Variants in HYCC1 observed in about 807,000 individuals in gnomAD.
The protein encoded by HYCC1 is hyccin.
the HYCC1 span, among the ~76,000 whole-genome samples, chr7:22,971,480 G>A: frequency 6.6e-6 from 1 of 151,000 alleles, no homozygotes; most frequent in Non-Finnish European, 1.5e-5. Context: ...TTTGAGACCC[G>A]CCTGGGCAAC....
the HYCC1 span, among the ~76,000 whole-genome samples, chr7:22,933,145 T>C: frequency 6.6e-6 from 1 of 152,222 alleles, no homozygotes; most frequent in African/African-American, 2.4e-5. Flanking sequence ...AATTCTCTTG[T>C]ATTAAGTCAT....
At chr7:22,932,484 G>T in the HYCC1 span, among the ~76,000 whole-genome samples, 1 of 151,996 alleles carries the variant, frequency 6.6e-6, no homozygotes, top group African/African-American at 2.4e-5. Context: ...TTTTTGATTG[G>T]AAATATCTCT....
At chr7:22,917,150 C>T in the HYCC1 span, among the ~76,000 whole-genome samples, 65 of 152,282 alleles carry the variant, frequency 4.3e-4, no homozygotes, top group Non-Finnish European at 7.1e-4. Flanking sequence ...TCCCTCACGG[C>T]AGTTTTTCTC....
At chr7:22,940,370 G>A in the HYCC1 span, 2 of 148,664 alleles carry the variant, frequency 1.3e-5, no homozygotes, top group Non-Finnish European at 3.0e-5. Flanking sequence ...TCCTGCCTCA[G>A]CCTCCTGAGT....
At chr7:23,013,505 G>A in the HYCC1 span, among the ~76,000 whole-genome samples, 1 of 152,180 alleles carries the variant, frequency 6.6e-6, no homozygotes, top group Non-Finnish European at 1.5e-5. Flanking sequence ...CCGCGGCAGG[G>A]AGGGGACGGG....
At chr7:22,914,952 G>A in the HYCC1 span, among the ~76,000 whole-genome samples, 3 of 152,298 alleles carry the variant, frequency 2.0e-5, no homozygotes, top group East Asian at 3.9e-4. Flanking sequence ...AGAGGTGGCC[G>A]GAGCTGAAGG....
chr7:22,949,508 T>C, the HYCC1 span, among the ~76,000 whole-genome samples: 1 of 152,062 alleles, frequency 6.6e-6, no homozygotes, highest in African/African-American at 2.4e-5. Flanking sequence ...ACAATTTACT[T>C]TGAATGGAGA....
At chr7:22,979,795 T>C in the HYCC1 span, among the ~76,000 whole-genome samples, 1 of 152,164 alleles carries the variant, frequency 6.6e-6, no homozygotes, top group Admixed American at 6.6e-5. Flanking sequence ...TTATAACCCA[T>C]TTAAAATCCA....
the HYCC1 span, chr7:22,977,305 G>C: frequency 7.9e-7 from 1 of 1,263,418 alleles, no homozygotes; most frequent in East Asian, 2.3e-5. Flanking sequence ...TCAAAGCTTA[G>C]GGTCAATAAA....
chr7:22,927,622 A>G, the HYCC1 span, among the ~76,000 whole-genome samples: 1 of 152,224 alleles, frequency 6.6e-6, no homozygotes, highest in African/African-American at 2.4e-5. Context: ...ACACTCTCCC[A>G]AGACTAAACC....
the HYCC1 span, among the ~76,000 whole-genome samples, chr7:22,918,349 CCCACAATATCATCCCTTA>C: frequency 6.6e-6 from 1 of 152,022 alleles, no homozygotes; most frequent in Admixed American, 6.6e-5. Context: ...TTGTAACAAC[CCCACAATATCATCCCTTA>C]CCACAAAATC....
the HYCC1 span, among the ~76,000 whole-genome samples, chr7:22,989,215 T>C: frequency 3.6e-5 from 4 of 110,656 alleles, no homozygotes; most frequent in Non-Finnish European, 7.8e-5. Flanking sequence ...AACTTGACTA[T>C]TTCCATCAAT....
At chr7:22,950,900 A>C in the HYCC1 span, among the ~76,000 whole-genome samples, 3 of 151,798 alleles carry the variant, frequency 2.0e-5, no homozygotes, top group African/African-American at 7.2e-5. Context: ...TAAAAAAAAA[A>C]CAAAAAACAA....
the HYCC1 span, among the ~76,000 whole-genome samples, chr7:22,977,059 C>A: frequency 1.3e-5 from 2 of 151,002 alleles, no homozygotes; most frequent in Admixed American, 6.6e-5. Flanking sequence ...CCACCACCCC[C>A]CTGCCCGCCG....
chr7:22,901,273 C>G, the HYCC1 span, among the ~76,000 whole-genome samples: 1 of 129,206 alleles, frequency 7.7e-6, no homozygotes, highest in South Asian at 2.7e-4. Context: ...ACCAATAATT[C>G]TTTTTAAAAA....
At chr7:22,897,290 G>C in the HYCC1 span, among the ~76,000 whole-genome samples, 8 of 152,274 alleles carry the variant, frequency 5.3e-5, no homozygotes, top group South Asian at 1.7e-3. Flanking sequence ...GGCCACTGTG[G>C]GACTTCTGAT....
At chr7:22,943,035 T>C in the HYCC1 span, 2 of 152,280 alleles carry the variant, frequency 1.3e-5, no homozygotes, top group Admixed American at 1.3e-4. Context: ...AATATACAAA[T>C]GCAAATTTGT....
chr7:23,000,244 C>T, the HYCC1 span, among the ~76,000 whole-genome samples: 27 of 152,004 alleles, frequency 1.8e-4, no homozygotes, highest in African/African-American at 6.5e-4. Flanking sequence ...TACACATATG[C>T]TATATAATCA....
the HYCC1 span, chr7:22,946,973 G>A: frequency 1.3e-6 from 2 of 1,548,606 alleles, no homozygotes; most frequent in African/African-American, 1.4e-5. Context: ...GTTATAAAGT[G>A]CTCTGCTAAA....
Sources: gnomAD v4.1 joint callset for allele counts (sites outside exome capture counted in the v4.1 genomes callset) on GRCh38, gnomAD v4.1.1 for gene constraint, MANE v1.5 for transcripts, NCBI Gene and HGNC (gene_info 2026-07-23, HGNC 2026-07-21) for gene names.